Variants in MATN2 observed in about 807,000 individuals in gnomAD.
MATN2 encodes matrilin 2.
In MATN2, 69 loss-of-function variants were observed where a neutral mutation model predicts 103.2. The ratio of observed to expected loss-of-function variants is 0.67; its 90% confidence interval spans 0.55 to 0.82. The LOEUF (loss-of-function observed/expected upper bound fraction) is 0.82. Among genes scored for constraint, MATN2 ranks in the 40% least tolerant of loss-of-function variants. The probability of loss-of-function intolerance (pLI) is 0.00; values close to 1 mark genes in which losing one functional copy is unlikely to be tolerated. For missense variants in MATN2, 1,023 were observed against 1,211.5 expected, an observed-to-expected ratio of 0.84 and a Z score of 2.31; for synonymous variants, 429 against 450.2, an observed-to-expected ratio of 0.95 and a Z score of 0.60.
At chr8:97,951,700 A>T (rs1242997517) in intron 4 of MATN2, among the ~76,000 whole-genome samples, 1 of 152,010 alleles carries the variant, frequency 6.6e-6, no homozygotes, top group Non-Finnish European at 1.5e-5. Flanking sequence ...CGGTTTGGAA[A>T]TTGAAAAGCA....
chr8:97,914,601 G>C (rs1809559411), intron 2 of MATN2, among the ~76,000 whole-genome samples: 1 of 151,346 alleles, frequency 6.6e-6, no homozygotes. Flanking sequence ...TGATCCTCTT[G>C]CCTCAGCCTC....
intron 13 of MATN2, among the ~76,000 whole-genome samples, chr8:98,022,667 T>C (rs1049429539): frequency 1.4e-5 from 2 of 144,088 alleles, no homozygotes; most frequent in Non-Finnish European, 3.0e-5. Flanking sequence ...AGCTACAGCT[T>C]AGCACGAGGA....
intron 10 of MATN2, among the ~76,000 whole-genome samples, chr8:98,012,617 A>G (rs1243598552): frequency 1.3e-5 from 2 of 152,116 alleles, no homozygotes; most frequent in African/African-American, 4.8e-5. Context: ...GGCGGGACAC[A>G]TCACCCACCT....
rs77433764 is a variant in MATN2, at chr8:97,948,241, C to T, written c.835+6342C>T. 6.5e-3 allele frequency among the ~76,000 whole-genome samples: 992 copies of T among 152,228 alleles called. 6 individuals are homozygous for T. Among genetic ancestry groups the T allele is most frequent in the Middle Eastern group, 0.01 (3 of 292 alleles). ...TTTGACCTTACCTGGGAATATGTGT[C>T]CTGGGTGACTCAAATTTTTTGCCAC... is the stretch of plus-strand genomic sequence containing the variant. On this transcript the variant is annotated intron_variant, in intron 4 of 18. Transcript: ENST00000254898.
intron 2 of MATN2, among the ~76,000 whole-genome samples, chr8:97,897,619 A>AT (rs895399649): frequency 1.3e-5 from 2 of 151,960 alleles, no homozygotes; most frequent in African/African-American, 2.4e-5. Context: ...TTGTTTTAAA[A>AT]TTTTTTTTTA....
intron 2 of MATN2, among the ~76,000 whole-genome samples, chr8:97,894,719 T>C (rs1034580522): frequency 5.3e-5 from 8 of 152,150 alleles, no homozygotes; most frequent in African/African-American, 1.9e-4. Context: ...AAACCTGACA[T>C]CAAAATATTC....
At position 97,983,022 on chromosome 8, in the gene MATN2, C is replaced by T. The variant is rs145484881; in HGVS notation, c.1081+4014C>T. ...AACTTTTCATCACCCCAAACTGAAACGCTGTACCCATTGAACAATAACTCC... is the reference window on the plus strand; with the variant it reads ...AACTTTTCATCACCCCAAACTGAAATGCTGTACCCATTGAACAATAACTCC... On this transcript the variant is annotated intron_variant, in intron 6 of 18. Transcript: ENST00000254898. Among the ~76,000 whole-genome samples the T allele has an allele frequency of 6.7e-3, 1,027 of 152,236 alleles. 6 individuals are homozygous for T. Among genetic ancestry groups the T allele is most frequent in the Non-Finnish European group, 9.4e-3 (641 of 68,022 alleles).
rs530946130 is a variant in MATN2 at position 97,963,336 on chromosome 8, AT to A, written c.958+1807del. The stretch of plus-strand genomic sequence containing the variant: ...AGCTTCAGGAAACAGGATGAGGGTA[AT>A]GGGTTGATTAGGACAAGGGGAGGGA... On this transcript the variant is annotated intron_variant, in intron 5 of 18. Transcript: ENST00000254898. 2.3e-4 allele frequency among the ~76,000 whole-genome samples: 35 copies of A among 152,138 alleles called. No individual in the cohort carries two copies. In the South Asian group the frequency reaches 7.3e-3, roughly 32 times the overall value.
In MATN2 at chr8:97,971,439, C is replaced by A. The variant is rs534407851; in HGVS notation, c.959-7447C>A. Among the ~76,000 whole-genome samples the A allele has an allele frequency of 9.2e-5, 14 of 152,252 alleles. No homozygotes were observed. In the East Asian group the frequency reaches 2.3e-3, roughly 25 times the overall value. The stretch of plus-strand genomic sequence containing the variant: ...TTCAATTCCAGCACCAGAGTTCCAA[C>A]TCCCTGACAGCTCATTTCACCATTG... On this transcript the variant is annotated intron_variant, in intron 5 of 18. Transcript: ENST00000254898.
chr8:97,874,754 G>T (rs1005981005), intron 1 of MATN2, among the ~76,000 whole-genome samples: 1 of 149,266 alleles, frequency 6.7e-6, no homozygotes, highest in African/African-American at 2.5e-5. Context: ...GTCTTGCTCT[G>T]TTGCCCAGGC....
chr8:97,984,948 C>T (rs1001517437), intron 6 of MATN2, among the ~76,000 whole-genome samples: 18 of 152,134 alleles, frequency 1.2e-4, no homozygotes, highest in African/African-American at 4.1e-4. Context: ...AGGAGGAAAC[C>T]TTTGAGGCAG....
chr8:98,005,335 T>G lies in MATN2; in HGVS notation c.1327+1552T>G, dbSNP rs1007321650. Among the ~76,000 whole-genome samples the G allele has an allele frequency of 1.3e-5, 2 of 152,140 alleles. No homozygotes were observed. The highest frequency in any genetic ancestry group is 4.8e-5 in the African/African-American group (2 of 41,422). ...GGCCAGCGGGGAGCGGGTCTCCCAT[T>G]CAACAGGAGATGCCCTGGTGACCAT... is the stretch of plus-strand genomic sequence containing the variant. On this transcript the variant is annotated intron_variant, in intron 8 of 18. Transcript: ENST00000254898. The surrounding 1 kb of genome is among the most constrained non-coding windows in gnomAD (Gnocchi z 4.6).
At position 98,021,271 on chromosome 8, in the gene MATN2, A is replaced by G; in HGVS notation, c.1886A>G (p.Tyr629Cys). The stretch of plus-strand genomic sequence containing the variant: ...ATTTGTGTTAATAATGGGAATTCCT[A>G]CATCTGCAAATGCTCAGAGGGATTT... ...EHICVNNGNS[Y>C]ICKCSEGFVL... Residue 629 changes from tyrosine to cysteine, a missense_variant, in exon 13 of 19, where the codon TAC becomes TGC. Transcript: ENST00000254898. 1.2e-6 allele frequency: 2 copies of G among 1,613,734 alleles called. No homozygotes were observed. Among genetic ancestry groups the G allele is most frequent in the Non-Finnish European group, 1.7e-6 (2 of 1,179,678 alleles).
intron 10 of MATN2, among the ~76,000 whole-genome samples, chr8:98,016,104 G>A (rs186160365): frequency 1.8e-4 from 27 of 152,086 alleles, no homozygotes; most frequent in Middle Eastern, 6.8e-3. Context: ...TGATTTTTAT[G>A]TGCCATGTGT....
In MATN2 at chr8:98,007,373, T is replaced by G. The variant is rs1474447725; in HGVS notation, c.1451-106T>G. 1.3e-6 allele frequency: 2 copies of G among 1,553,370 alleles called. No individual in the cohort carries two copies. The highest frequency in any genetic ancestry group is 3.5e-5 in the Admixed American group (2 of 57,150). On this transcript the variant is annotated intron_variant, in intron 9 of 18. Transcript: ENST00000254898. The surrounding 1 kb of genome is among the most constrained non-coding windows in gnomAD (Gnocchi z 4.2). ...AGATAGTGAGGATGTCCACTGGGAC[T>G]GCATGCCTTCGAGGGAGGGCGGGGT...
At chr8:97,953,458 C>T (rs2444881) in intron 4 of MATN2, among the ~76,000 whole-genome samples, 80,035 of 152,058 alleles carry the variant, frequency 0.53, 21,574 homozygotes, top group East Asian at 0.77. Context: ...CTGTCCAACA[C>T]GGTGAAACCC....
chr8:98,018,559 A>T (rs942099344), intron 12 of MATN2, among the ~76,000 whole-genome samples: 1 of 152,156 alleles, frequency 6.6e-6, no homozygotes, highest in African/African-American at 2.4e-5. Flanking sequence ...GACATACCCG[A>T]GACTGGGCAA....
chr8:98,003,578 G>A lies in MATN2; in HGVS notation c.1205-83G>A, dbSNP rs561469051. 3.2e-6 allele frequency: 5 copies of A among 1,543,574 alleles called. No homozygotes were observed. In the African/African-American group the frequency reaches 4.1e-5, roughly 13 times the overall value. On this transcript the variant is annotated intron_variant, in intron 7 of 18. Transcript: ENST00000254898. ...AGCACCCACCAGCCCTCTCCATGGG[G>A]GCTCATGGGAGCCCCGAGGGGCTGC...
intron 10 of MATN2, among the ~76,000 whole-genome samples, chr8:98,008,856 A>G (rs1485067559): frequency 6.6e-6 from 1 of 152,188 alleles, no homozygotes; most frequent in East Asian, 1.9e-4. Flanking sequence ...ATAATCAAGA[A>G]CTGACTACAA....
Sources: allele counts gnomAD v4.1 joint callset (sites outside exome capture counted in the v4.1 genomes callset), GRCh38; gene constraint gnomAD v4.1.1; non-coding constraint Gnocchi (gnomAD v3.1); transcripts MANE v1.5; gene names NCBI Gene and HGNC (gene_info 2026-07-23, HGNC 2026-07-21).